CLCN2: variants seen among roughly 807,000 people sequenced by gnomAD.
CLCN2 encodes the protein chloride voltage-gated channel 2.
In CLCN2, 72 loss-of-function variants were observed where a neutral mutation model predicts 108.3. The ratio of observed to expected loss-of-function variants is 0.66; its 90% CI spans 0.55 to 0.81. CLCN2 has a LOEUF of 0.81. CLCN2 is among the 30% of genes least tolerant of loss of function. The probability of loss-of-function intolerance (pLI) is 0.00; values close to 1 mark genes in which losing one functional copy is unlikely to be tolerated. For synonymous variants in CLCN2, 471 were observed against 467.1 expected, an observed-to-expected ratio of 1.01 and a Z score of -0.11; for missense variants, 1,048 against 1,205.2, an observed-to-expected ratio of 0.87 and a Z score of 1.93.
chr3:184,355,535 G>A lies in CLCN2; in HGVS notation c.1171-6C>T, dbSNP rs1282136988. The A allele has an allele frequency of 6.2e-7, 1 of 1,614,120 alleles. No individual in the cohort carries two copies. ...AGCGTCTCTTTCTGTGAGAGCTAGA[G>A]TGAACAGGGTGCCTCAGGCTGGGAA... On this transcript the variant is annotated splice_polypyrimidine_tract_variant and splice_region_variant and intron_variant, in intron 11 of 23. Transcript: ENST00000265593. The surrounding 1 kb of genome is among the most constrained non-coding windows in gnomAD (Gnocchi z 6.3).
At chr3:184,354,434 G>T in intron 14 of CLCN2, 114 bp downstream of exon 14, 1 of 1,308,242 alleles carries the variant, frequency 7.6e-7, no homozygotes. Flanking sequence ...GATTGGACCT[G>T]TGCATCTGAG....
At chr3:184,360,009 G>C (rs1367489247) in intron 1 of CLCN2, among the ~76,000 whole-genome samples, 1 of 151,630 alleles carries the variant, frequency 6.6e-6, no homozygotes, top group African/African-American at 2.4e-5. Flanking sequence ...GGGAGGGAAA[G>C]ATAGAGACAG....
chr3:184,352,453 A>G lies in CLCN2; in HGVS notation c.2261T>C (p.Ile754Thr). Residue 754 changes from isoleucine to threonine, a missense_variant, in exon 20 of 24, where the codon ATC becomes ACC. Ile to Thr is a moderately conservative substitution (Grantham distance 89, BLOSUM62 -1). Transcript: ENST00000265593. ...CEKRKLKRVR[I>T]SLASDADLEG... is the part of the protein sequence containing the mutation. ...AGCAGGCATACTTACTGCCAGGGAGATTCGGACACGCTTCAGCTTGCGCTT... is the reference window on the plus strand; with the variant it reads ...AGCAGGCATACTTACTGCCAGGGAGGTTCGGACACGCTTCAGCTTGCGCTT... 1 of 1,613,274 alleles carries G rather than the reference A, an allele frequency of 6.2e-7. No individual in the cohort carries two copies. Among genetic ancestry groups the G allele is most frequent in the Non-Finnish European group, 8.5e-7 (1 of 1,179,928 alleles).
At chr3:184,354,827 G>A (rs1728420019) in intron 13 of CLCN2, 77 bp downstream of exon 13, 5 of 1,522,750 alleles carry the variant, frequency 3.3e-6, no homozygotes, top group Non-Finnish European at 4.6e-6. Flanking sequence ...ACCCGCTCTT[G>A]GGCAGAGGGT....
intron 18 of CLCN2, 51 bp downstream of exon 18, chr3:184,352,982 G>A: frequency 6.4e-7 from 1 of 1,571,576 alleles, no homozygotes; most frequent in Non-Finnish European, 8.8e-7. Flanking sequence ...GACTCTAATG[G>A]ATCTCAGTAG....
chr3:184,351,919 C>T, intron 22 of CLCN2, 94 bp downstream of exon 22: 1 of 898,376 alleles, frequency 1.1e-6, no homozygotes, highest in East Asian at 2.4e-5. Context: ...CTCCCTCCTT[C>T]CCCACTGGCC....
At chr3:184,358,411 C>A in intron 3 of CLCN2, 101 bp from the exon 4 acceptor site, 1 of 1,542,018 alleles carries the variant, frequency 6.5e-7, no homozygotes, top group Non-Finnish European at 8.9e-7. Context: ...GAGTACCACA[C>A]AGAGTCAGGG....
At position 184,357,880 on chromosome 3, in the gene CLCN2, G is replaced by C. The variant is rs368614394; in HGVS notation, c.616-24C>G. 1.9e-6 allele frequency: 3 copies of C among 1,613,600 alleles called. No homozygotes were observed. In the East Asian group the frequency reaches 6.7e-5, roughly 36 times the overall value. ...CCCTGCGGGGTGGGGCAGGCGGTGA[G>C]TCGGGAGGGGGCCCGCCCTGACCTT... On this transcript the variant is annotated intron_variant, in intron 5 of 23. Transcript: ENST00000265593.
chr3:184,353,069 G>C lies in CLCN2; in HGVS notation c.2107C>G (p.Pro703Ala). The C allele has an allele frequency of 6.2e-7, 1 of 1,614,152 alleles. No individual in the cohort carries two copies. Among genetic ancestry groups the C allele is most frequent in the Non-Finnish European group, 8.5e-7 (1 of 1,180,010 alleles). ...KPLKPALKRG[P>A]SVTRNLGESP... Reference sequence around the variant, plus strand: ...TCTCCGAGGTTCCTGGTGACACTGGGCCCCCTCTTGAGTGCAGGCTTTAGG... The same window carrying C: ...TCTCCGAGGTTCCTGGTGACACTGGCCCCCCTCTTGAGTGCAGGCTTTAGG... Residue 703 changes from proline to alanine, a missense_variant, in exon 18 of 24, where the codon CCC becomes GCC. Physicochemically the swap from Pro to Ala is conservative, Grantham distance 27 (BLOSUM62 -1). Coordinates refer to ENST00000265593, the MANE Select transcript of CLCN2 (RefSeq NM_004366.6).
At chr3:184,359,697 C>G (rs1338298228) in intron 1 of CLCN2, among the ~76,000 whole-genome samples, 1 of 152,214 alleles carries the variant, frequency 6.6e-6, no homozygotes, top group Non-Finnish European at 1.5e-5. Flanking sequence ...CCCCACCAGC[C>G]TGCCAGCCCA....
chr3:184,355,199 C>T lies in CLCN2; in HGVS notation c.1326+175G>A. ...TTCAGATCATCGCTCTGCCCTCTAG[C>T]TGTGTGACTTTGGGCCAGCTACTTG... On this transcript the variant is annotated intron_variant, in intron 12 of 23. Coordinates refer to ENST00000265593, the MANE Select transcript of CLCN2 (RefSeq NM_004366.6). The surrounding 1 kb of genome is among the most constrained non-coding windows in gnomAD (Gnocchi z 6.3). 1 of 821,372 alleles carries T rather than the reference C, an allele frequency of 1.2e-6. No homozygotes were observed. The highest frequency in any genetic ancestry group is 2.1e-6 in the Non-Finnish European group (1 of 484,794). 50.9% of individuals were successfully genotyped at this position (821,372 alleles called of 1,614,324 possible).
Position 184,353,070 on chromosome 3 carries a change from C to A in CLCN2, c.2106G>T (p.Gly702=), listed in dbSNP as rs768225978. The part of the protein sequence containing the change: ...HKPLKPALKR[G]PSVTRNLGES... ...CTCCGAGGTTCCTGGTGACACTGGG[C>A]CCCCTCTTGAGTGCAGGCTTTAGGG... is the stretch of plus-strand genomic sequence containing the variant. The change falls in exon 18 of 24, where the codon GGG becomes GGT. Residue 702 remains glycine (G), a synonymous_variant. Coordinates refer to ENST00000265593, the MANE Select transcript of CLCN2 (RefSeq NM_004366.6). 1.9e-6 allele frequency: 3 copies of A among 1,614,132 alleles called. 1 individual carries two copies. In the Admixed American group the frequency reaches 5.0e-5, roughly 27 times the overall value.
chr3:184,358,989 C>T lies in CLCN2; in HGVS notation c.206G>A (p.Cys69Tyr), dbSNP rs773674848. The T allele has an allele frequency of 6.2e-7, 1 of 1,613,600 alleles. No homozygotes were observed. Among genetic ancestry groups the T allele is most frequent in the Admixed American group, 1.7e-5 (1 of 60,030 alleles). ...PELLEYGRSRCARCRVCSVRC... is the reference protein window; with the variant it reads ...PELLEYGRSRYARCRVCSVRC... ...CCAGTTCTCACCGCGGCATCGGGCG[C>T]AACGGCTCCGTCCATATTCCAAGAG... The change falls in exon 2 of 24, where the codon TGC becomes TAC. Residue 69 changes from cysteine to tyrosine, a missense_variant. Transcript: ENST00000265593.
chr3:184,354,672 G>T lies in CLCN2; in HGVS notation c.1397-14C>A. 7.7e-7 allele frequency: 1 copy of T among 1,299,826 alleles called. No individual in the cohort carries two copies. Among genetic ancestry groups the T allele is most frequent in the Non-Finnish European group, 1.1e-6 (1 of 941,550 alleles). 80.5% of individuals were successfully genotyped at this position (1,299,826 alleles called of 1,614,324 possible). A position where few individuals can be genotyped will look rare whatever the true frequency, so the allele number is the denominator to read the frequency against. On this transcript the variant is annotated splice_polypyrimidine_tract_variant and intron_variant, in intron 13 of 23. Coordinates refer to ENST00000265593, the MANE Select transcript of CLCN2 (RefSeq NM_004366.6). ...CAAATGCTGCTCCTTCAGGGAGGGG[G>T]GTGGGAAGAGAAAGAGGCAGTGGAG...
Position 184,357,646 on chromosome 3 carries a change from C to A in CLCN2, c.746G>T (p.Gly249Val). 6.2e-7 allele frequency: 1 copy of A among 1,613,978 alleles called. No homozygotes were observed. The highest frequency in any genetic ancestry group is 8.5e-7 in the Non-Finnish European group (1 of 1,180,036). Residue 249 changes from glycine (G) to valine (V), a missense_variant, in exon 7 of 24, where the codon GGC becomes GTC. By Grantham distance (109) the Gly-to-Val change is moderately radical. Coordinates refer to ENST00000265593, the MANE Select transcript of CLCN2 (RefSeq NM_004366.6). The part of the protein sequence containing the change: ...MLAAACAVGV[G>V]CCFAAPIGGV... ...TCCAATAGGTGCCGCGAAGCAGCAG[C>A]CCACCCCCACGGCACAGGCGGCAGC...
At chr3:184,347,562 A>G (rs1727775297) in intron 22 of CLCN2, 1 of 188,588 alleles carries the variant, frequency 5.3e-6, no homozygotes, top group Admixed American at 5.3e-5. Context: ...GAGAAGGGAG[A>G]GCCCACACCG....
At chr3:184,352,860 G>A (rs753054681) in intron 18 of CLCN2, 50 bp from the exon 19 acceptor site, 2 of 1,603,442 alleles carry the variant, frequency 1.2e-6, no homozygotes, top group Non-Finnish European at 1.7e-6. Flanking sequence ...CTTTTGGGGA[G>A]AGGACCAGGA....
chr3:184,357,580 C>T, intron 7 of CLCN2, 40 bp downstream of exon 7: 1 of 1,613,986 alleles, frequency 6.2e-7, no homozygotes, highest in Non-Finnish European at 8.5e-7. Flanking sequence ...AGGCCAAGGG[C>T]AGGGTTGTGG....
intron 10 of CLCN2, 172 bp downstream of exon 10, chr3:184,356,821 G>T (rs1014150301): frequency 4.7e-6 from 3 of 639,502 alleles, no homozygotes; most frequent in Non-Finnish European, 8.4e-6. Context: ...CCAATTTTCA[G>T]GTAATTCATA....
Sources: gnomAD v4.1 joint callset for allele counts (sites outside exome capture counted in the v4.1 genomes callset) on GRCh38, gnomAD v4.1.1 for gene constraint, Gnocchi (gnomAD v3.1) non-coding constraint, MANE v1.5 for transcripts, NCBI Gene and HGNC (gene_info 2026-07-23, HGNC 2026-07-21) for gene names.